NRG1: variants seen among roughly 807,000 people sequenced by gnomAD.
NRG1 encodes pro-neuregulin-1, membrane-bound isoform.
Under a neutral mutation model 63.8 loss-of-function variants are expected in NRG1, and 18 were observed. The ratio of observed to expected loss-of-function variants is 0.28; its 90% CI spans 0.19 to 0.42. NRG1 has a LOEUF of 0.42. NRG1 is among the 10% of genes least tolerant of loss of function. The probability of loss-of-function intolerance (pLI) is 1.00; values close to 1 mark genes in which losing one functional copy is unlikely to be tolerated. For missense variants in NRG1, 762 were observed against 814.7 expected, an observed-to-expected ratio of 0.94 and a Z score of 0.79; for synonymous variants, 302 against 301.3, an observed-to-expected ratio of 1.00 and a Z score of -0.02.
chr8:32,648,235 C>G (rs1242544809), intron 5 of NRG1: 3 of 1,614,016 alleles, frequency 1.9e-6, no homozygotes, highest in Admixed American at 3.3e-5. Flanking sequence ...GCGGCACCGA[C>G]ACCGAAGAAT....
chr8:32,014,724 C>CA lies in NRG1; in HGVS notation c.37+375299dup, dbSNP rs1231046806. ...AATTTTGAGCCCCCCAACCCCCCCC[C>CA]AAAAAAGATGTTGAAGTCTTAAATC... is the stretch of plus-strand genomic sequence containing the variant. On this transcript the variant is annotated intron_variant, in intron 1 of 10. Coordinates refer to the NRG1 transcript ENST00000519301. Among the ~76,000 whole-genome samples, 376 of 133,776 alleles carry CA rather than the reference C, an allele frequency of 2.8e-3. 3 individuals carry two copies. Among genetic ancestry groups the CA allele is most frequent in the African/African-American group, 9.2e-3 (322 of 34,926 alleles). The allele number at this position is 133,776 out of a possible 152,430, so 87.8% of individuals were successfully genotyped here. A position where few individuals can be genotyped will look rare whatever the true frequency, so the allele number is the denominator to read the frequency against.
chr8:32,434,001 C>T (rs1307327217), intron 1 of NRG1, among the ~76,000 whole-genome samples: 4 of 152,074 alleles, frequency 2.6e-5, no homozygotes, highest in Non-Finnish European at 4.4e-5. Context: ...TCCTGGCCAA[C>T]ATGGTGAAAC....
At chr8:32,147,429 TA>T (rs2131795343) in intron 1 of NRG1, among the ~76,000 whole-genome samples, 1 of 152,306 alleles carries the variant, frequency 6.6e-6, no homozygotes, top group African/African-American at 2.4e-5. Flanking sequence ...ATGCAGTCAC[TA>T]AAAATGAAAA....
At chr8:32,488,530 C>A (rs1826169544) in intron 1 of NRG1, among the ~76,000 whole-genome samples, 1 of 152,126 alleles carries the variant, frequency 6.6e-6, no homozygotes, top group Admixed American at 6.5e-5. Context: ...AATCCTAGCA[C>A]TTTGAGAGGC....
intron 1 of NRG1, among the ~76,000 whole-genome samples, chr8:32,427,834 T>G (rs1021494098): frequency 1.3e-5 from 2 of 152,320 alleles, no homozygotes; most frequent in Admixed American, 6.5e-5. Context: ...TTATTTATGT[T>G]GACTAATGTA....
chr8:32,403,153 G>T (rs1301994839), intron 1 of NRG1, among the ~76,000 whole-genome samples: 1 of 151,956 alleles, frequency 6.6e-6, no homozygotes, highest in Non-Finnish European at 1.5e-5. Flanking sequence ...ATAAAAATTA[G>T]CCAGGCACAG....
chr8:32,678,921 A>G (rs971598345), intron 5 of NRG1, among the ~76,000 whole-genome samples: 8 of 152,064 alleles, frequency 5.3e-5, no homozygotes, highest in Admixed American at 5.2e-4. Context: ...CGAGCTGGGT[A>G]AAGGTTGGCC....
At chr8:32,032,789 T>C (rs530819353) in intron 1 of NRG1, among the ~76,000 whole-genome samples, 60 of 152,340 alleles carry the variant, frequency 3.9e-4, no homozygotes, top group Non-Finnish European at 8.2e-4. Flanking sequence ...TTAGATCTCA[T>C]TTTTAAATTT....
At chr8:31,834,911 A>G (rs902711061) in intron 1 of NRG1, among the ~76,000 whole-genome samples, 20 of 152,136 alleles carry the variant, frequency 1.3e-4, no homozygotes, top group Admixed American at 1.3e-3. Context: ...GCAACTGTAC[A>G]TTTAACCTTT....
chr8:32,310,016 T>C (rs1193941657), intron 1 of NRG1, among the ~76,000 whole-genome samples: 2 of 152,014 alleles, frequency 1.3e-5, no homozygotes, highest in African/African-American at 4.8e-5. Flanking sequence ...ACTGCAGGGC[T>C]TTTTTTCCCA....
At chr8:31,652,868 TTC>T (rs1338748326) in intron 1 of NRG1, among the ~76,000 whole-genome samples, 1 of 151,752 alleles carries the variant, frequency 6.6e-6, no homozygotes, top group Non-Finnish European at 1.5e-5. Flanking sequence ...TCTTTTCTCT[TTC>T]TCTCTCTCTG....
intron 1 of NRG1, among the ~76,000 whole-genome samples, chr8:32,446,488 C>G (rs1237945638): frequency 1.3e-5 from 2 of 152,036 alleles, no homozygotes; most frequent in Non-Finnish European, 2.9e-5. Flanking sequence ...AACCCTGTCT[C>G]TACAAAAAAT....
intron 1 of NRG1, among the ~76,000 whole-genome samples, chr8:32,563,850 C>T (rs574034704): frequency 3.3e-5 from 5 of 152,236 alleles, no homozygotes; most frequent in South Asian, 4.1e-4. Flanking sequence ...ACAGAAGAAT[C>T]GTAACATTAA....
chr8:32,189,078 C>G (rs574528323), intron 1 of NRG1, among the ~76,000 whole-genome samples: 123 of 152,232 alleles, frequency 8.1e-4, no homozygotes, highest in African/African-American at 2.8e-3. Flanking sequence ...TGTCAAACTT[C>G]TATCCTGTAG....
At chr8:32,259,905 T>A (rs1850174528) in intron 1 of NRG1, among the ~76,000 whole-genome samples, 1 of 152,182 alleles carries the variant, frequency 6.6e-6, no homozygotes, top group Non-Finnish European at 1.5e-5. Context: ...ATACAAGAGT[T>A]ATATTTCATT....
At chr8:32,629,394 T>G (rs1849870935) in intron 5 of NRG1, among the ~76,000 whole-genome samples, 1 of 152,150 alleles carries the variant, frequency 6.6e-6, no homozygotes, top group Admixed American at 6.5e-5. Flanking sequence ...GATTTGTGTT[T>G]CTATTCCCAT....
chr8:32,360,428 A>T (rs76104017), intron 1 of NRG1, among the ~76,000 whole-genome samples: 8,564 of 152,294 alleles, frequency 0.056, 315 homozygotes, highest in Middle Eastern at 0.099. Context: ...AATCATTCTC[A>T]GATGTAGAAG....
At chr8:32,176,899 C>A (rs1840803194) in intron 1 of NRG1, among the ~76,000 whole-genome samples, 1 of 152,058 alleles carries the variant, frequency 6.6e-6, no homozygotes, top group African/African-American at 2.4e-5. Context: ...ACTAGTTCAA[C>A]CACTGTGGAA....
At chr8:32,546,143 GTTCA>G (rs970880282), upstream of NRG1, among the ~76,000 whole-genome samples, 5 of 152,104 alleles carry the variant, frequency 3.3e-5, no homozygotes, top group African/African-American at 1.2e-4. Flanking sequence ...ACCTCTTCAG[GTTCA>G]TTCAAATGAA....
Sources: allele counts gnomAD v4.1 joint callset (sites outside exome capture counted in the v4.1 genomes callset), GRCh38; gene constraint gnomAD v4.1.1; transcripts MANE v1.5; gene names NCBI Gene and HGNC (gene_info 2026-07-23, HGNC 2026-07-21).